Variants in RFX4 observed in about 807,000 individuals in gnomAD.
The protein encoded by RFX4 is regulatory factor X4.
A neutral mutation model predicts 95.0 loss-of-function variants in RFX4; 10 were observed. The observed-to-expected ratio is 0.11, with a 90% CI of 0.06 to 0.18. The LOEUF (loss-of-function observed/expected upper bound fraction) is 0.18, where lower values mean the gene tolerates loss of function less well. Among genes scored for constraint, RFX4 ranks in the 10% least tolerant of loss-of-function variants. RFX4 has a pLI of 1.00. For missense variants in RFX4, 640 were observed against 922.0 expected, an observed-to-expected ratio of 0.69 and a Z score of 3.96; for synonymous variants, 321 against 340.7, an observed-to-expected ratio of 0.94 and a Z score of 0.64.
At chr12:106,732,009 G>A (rs1318002243) in intron 13 of RFX4, 121 bp from the exon 14 acceptor site, 29 of 1,406,756 alleles carry the variant, frequency 2.1e-5, no homozygotes, top group Non-Finnish European at 2.7e-5. Flanking sequence ...ATAATTGAGT[G>A]GAAAATTAGA....
At chr12:106,587,001 G>A (rs965136673) in intron 1 of RFX4, among the ~76,000 whole-genome samples, 8 of 152,204 alleles carry the variant, frequency 5.3e-5, no homozygotes, top group African/African-American at 1.7e-4. Flanking sequence ...GGGCGAACGG[G>A]GCATGTGCGC....
chr12:106,634,926 T>C (rs1010987098), intron 2 of RFX4, among the ~76,000 whole-genome samples: 1 of 152,224 alleles, frequency 6.6e-6, no homozygotes, highest in African/African-American at 2.4e-5. Flanking sequence ...GCCTTTCTCT[T>C]TTCCCAACCA....
chr12:106,705,750 G>A (rs773247062), intron 8 of RFX4, among the ~76,000 whole-genome samples: 1 of 152,114 alleles, frequency 6.6e-6, no homozygotes, highest in Non-Finnish European at 1.5e-5. Flanking sequence ...GAGATAAGGA[G>A]GGTAGGGAGG....
chr12:106,714,519 A>G (rs935641809), intron 10 of RFX4, among the ~76,000 whole-genome samples: 4 of 152,220 alleles, frequency 2.6e-5, no homozygotes, highest in Admixed American at 6.5e-5. Flanking sequence ...ATGCATTAGG[A>G]GACTTGACAA....
intron 17 of RFX4, among the ~76,000 whole-genome samples, chr12:106,754,120 T>C (rs1309829800): frequency 6.6e-6 from 1 of 152,216 alleles, no homozygotes; most frequent in Non-Finnish European, 1.5e-5. Context: ...GGTGTTTGTT[T>C]TGATTTCCAT....
intron 13 of RFX4, among the ~76,000 whole-genome samples, chr12:106,725,133 A>G (rs954004828): frequency 6.6e-6 from 1 of 151,958 alleles, no homozygotes; most frequent in Non-Finnish European, 1.5e-5. Flanking sequence ...CAACCATTTT[A>G]TTATGTTTAT....
chr12:106,697,014 G>T (rs1397313226), intron 8 of RFX4, among the ~76,000 whole-genome samples: 1 of 152,162 alleles, frequency 6.6e-6, no homozygotes, highest in African/African-American at 2.4e-5. Flanking sequence ...CTCAGGGAGG[G>T]ATGGAGGGAG....
intron 7 of RFX4, among the ~76,000 whole-genome samples, chr12:106,693,747 C>T (rs891910982): frequency 2.6e-5 from 4 of 152,242 alleles, no homozygotes; most frequent in Middle Eastern, 3.4e-3. Context: ...GATAGGTGAG[C>T]GGAGCCACAG....
intron 3 of RFX4, among the ~76,000 whole-genome samples, chr12:106,647,362 T>C (rs923307398): frequency 6.6e-6 from 1 of 152,238 alleles, no homozygotes; most frequent in African/African-American, 2.4e-5. Context: ...CCTCCATTTC[T>C]TCCTCTATGT....
chr12:106,637,685 A>C (rs1200623224), intron 2 of RFX4, among the ~76,000 whole-genome samples: 1 of 152,162 alleles, frequency 6.6e-6, no homozygotes, highest in East Asian at 1.9e-4. Flanking sequence ...GAATTGGATA[A>C]GAGACTGATT....
intron 5 of RFX4, among the ~76,000 whole-genome samples, chr12:106,683,919 G>A (rs1055932235): frequency 7.2e-5 from 11 of 152,008 alleles, no homozygotes; most frequent in African/African-American, 2.7e-4. Context: ...TAAAAATTCT[G>A]TATAATCAAT....
At chr12:106,600,916 C>T (rs1006088664) in intron 1 of RFX4, among the ~76,000 whole-genome samples, 1 of 152,212 alleles carries the variant, frequency 6.6e-6, no homozygotes, top group African/African-American at 2.4e-5. Context: ...TCATAACACT[C>T]ACTTTCTGCT....
chr12:106,753,290 G>C (rs2043044876), intron 17 of RFX4, among the ~76,000 whole-genome samples: 2 of 152,220 alleles, frequency 1.3e-5, no homozygotes, highest in East Asian at 3.9e-4. Flanking sequence ...CCCTCTGGCT[G>C]GGTGTCTCTT....
intron 17 of RFX4, among the ~76,000 whole-genome samples, chr12:106,756,629 G>A (rs1055995982): frequency 7.2e-5 from 11 of 152,046 alleles, no homozygotes; most frequent in African/African-American, 1.4e-4. Context: ...GGCTCCCTGG[G>A]TTCAAATCCC....
At chr12:106,591,455 A>T (rs1259753707) in intron 1 of RFX4, among the ~76,000 whole-genome samples, 1 of 151,746 alleles carries the variant, frequency 6.6e-6, no homozygotes, top group Non-Finnish European at 1.5e-5. Flanking sequence ...TTTAGTAGAG[A>T]TGGGGTTTCA....
chr12:106,676,751 T>C (rs2041399958), intron 4 of RFX4, among the ~76,000 whole-genome samples: 2 of 152,108 alleles, frequency 1.3e-5, no homozygotes, highest in Non-Finnish European at 2.9e-5. Context: ...AGAGGGTCAA[T>C]GTGAGGAGAA....
intron 1 of RFX4, 171 bp downstream of exon 1, chr12:106,583,534 G>A: frequency 1.8e-6 from 1 of 548,092 alleles, no homozygotes; most frequent in East Asian, 3.3e-5. Context: ...GTGTGTAACT[G>A]GATGCGTGGA....
chr12:106,751,976 CA>C (rs1224562266), intron 17 of RFX4, among the ~76,000 whole-genome samples: 1 of 140,868 alleles, frequency 7.1e-6, no homozygotes, highest in Admixed American at 7.2e-5. Flanking sequence ...CTTTTGTTGC[CA>C]TTGCTTTTGG....
chr12:106,737,043 C>G (rs984494250), intron 15 of RFX4, among the ~76,000 whole-genome samples: 9 of 152,084 alleles, frequency 5.9e-5, no homozygotes, highest in Non-Finnish European at 1.3e-4. Context: ...ATCCTACTCA[C>G]CTCCTTTGAT....
Sources: allele counts gnomAD v4.1 joint callset (sites outside exome capture counted in the v4.1 genomes callset), GRCh38; gene constraint gnomAD v4.1.1; transcripts MANE v1.5; gene names NCBI Gene and HGNC (gene_info 2026-07-23, HGNC 2026-07-21).